Variants in UQCC1 observed in about 807,000 individuals in gnomAD.
UQCC1 encodes the protein bFGF-repressed Zic-binding protein.
Under a neutral mutation model 48.0 loss-of-function variants are expected in UQCC1, and 38 were observed. The observed-to-expected ratio is 0.79, with a 90% CI of 0.61 to 1.04. The LOEUF (loss-of-function observed/expected upper bound fraction) is 1.04, where lower values mean the gene tolerates loss of function less well. UQCC1 is among the 50% of genes least tolerant of loss of function. The pLI is 0.00. For synonymous variants in UQCC1, 111 were observed against 129.2 expected, an observed-to-expected ratio of 0.86 and a Z score of 0.95; for missense variants, 368 against 381.8, an observed-to-expected ratio of 0.96 and a Z score of 0.30.
In UQCC1 at chr20:35,304,042, C is replaced by T. The variant is rs267605904; in HGVS notation, c.793G>A (p.Glu265Lys). Residue 265 changes from glutamate (E) to lysine (K), a missense_variant, in exon 10 of 10, where the codon GAG becomes AAG. Physicochemically the swap from Glu to Lys is moderately conservative, Grantham distance 56. Coordinates refer to ENST00000374385, the MANE Select transcript of UQCC1 (RefSeq NM_018244.5). ...QIQYLDSMNGEDLLLTGEVSW... is the reference protein window; with the variant it reads ...QIQYLDSMNGKDLLLTGEVSW... ...ACCTCCCCTGTCAGAAGCAGATCCT[C>T]CCCGTTCATGGAGTCCAGGTACTGT... is the stretch of plus-strand genomic sequence containing the variant. 1 of 1,614,134 alleles carries T rather than the reference C, an allele frequency of 6.2e-7. No homozygotes were observed. The highest frequency in any genetic ancestry group is 2.2e-5 in the East Asian group (1 of 44,876).
At chr20:35,403,571 G>C (rs185870729) in intron 1 of UQCC1, among the ~76,000 whole-genome samples, 4 of 152,108 alleles carry the variant, frequency 2.6e-5, no homozygotes, top group African/African-American at 9.7e-5. Context: ...GTATATGCCC[G>C]AAGGATTATA....
intron 7 of UQCC1, among the ~76,000 whole-genome samples, chr20:35,328,172 G>A (rs2061218045): frequency 6.6e-6 from 1 of 152,124 alleles, no homozygotes; most frequent in South Asian, 2.1e-4. Flanking sequence ...AATGCTGTAT[G>A]TTAAAGAGAT....
chr20:35,340,688 C>T (rs2061367489), intron 7 of UQCC1, among the ~76,000 whole-genome samples: 1 of 152,166 alleles, frequency 6.6e-6, no homozygotes, highest in Non-Finnish European at 1.5e-5. Context: ...CCTACATTGT[C>T]CAGGCTAACT....
In UQCC1 at chr20:35,302,638, A is replaced by G. The variant is rs961604768; in HGVS notation, c.*1297T>C. 1 of 152,352 alleles carries G rather than the reference A, an allele frequency of 6.6e-6. No homozygotes were observed. The highest frequency in any genetic ancestry group is 1.5e-5 in the Non-Finnish European group (1 of 68,042). The allele number at this position is 152,352 out of a possible 1,614,324, so 9.4% of individuals were successfully genotyped here. On this transcript the variant is annotated 3_prime_UTR_variant, in exon 10 of 10. Coordinates refer to ENST00000374385, the MANE Select transcript of UQCC1 (RefSeq NM_018244.5). ...GTATACTTCACTCCATTAAAAATAAATTAATCAGCAAATTCCTGCCTGGCT... is the reference window on the plus strand; with the variant it reads ...GTATACTTCACTCCATTAAAAATAAGTTAATCAGCAAATTCCTGCCTGGCT...
intron 2 of UQCC1, chr20:35,384,725 T>C: frequency 2.4e-6 from 1 of 425,156 alleles, no homozygotes; most frequent in South Asian, 1.7e-5. Flanking sequence ...TCCCAGCACT[T>C]TGGGAGGCCG....
chr20:35,398,054 A>C (rs1341033853), intron 1 of UQCC1, among the ~76,000 whole-genome samples: 1 of 152,208 alleles, frequency 6.6e-6, no homozygotes, highest in African/African-American at 2.4e-5. Context: ...CATGGAGAGG[A>C]TAAGCAACCT....
intron 1 of UQCC1, among the ~76,000 whole-genome samples, chr20:35,398,753 T>TGGGGGGGGGG (rs3055777): frequency 9.4e-6 from 1 of 106,424 alleles, no homozygotes. Context: ...GGGCCAAAGG[T>TGGGGGGGGGG]GGGGGGGGGG....
chr20:35,308,694 T>C (rs1321904602), intron 8 of UQCC1, among the ~76,000 whole-genome samples: 1 of 152,220 alleles, frequency 6.6e-6, no homozygotes, highest in East Asian at 1.9e-4. Context: ...AGAATAGATA[T>C]TATATTCCCA....
chr20:35,321,959 A>G (rs1451963511), intron 7 of UQCC1, among the ~76,000 whole-genome samples: 8 of 152,250 alleles, frequency 5.3e-5, no homozygotes, highest in Middle Eastern at 3.2e-3. Context: ...TTGAGAAAAC[A>G]TGAGAACACA....
intron 2 of UQCC1, among the ~76,000 whole-genome samples, chr20:35,393,502 AAAC>A (rs2062036598): frequency 3.5e-5 from 3 of 86,002 alleles, no homozygotes; most frequent in Admixed American, 1.4e-4. Flanking sequence ...AAACACACAC[AAAC>A]ACACACACAC....
intron 2 of UQCC1, among the ~76,000 whole-genome samples, chr20:35,388,149 TTTTTA>T (rs1343777491): frequency 6.6e-6 from 1 of 151,736 alleles, no homozygotes; most frequent in African/African-American, 2.4e-5. Context: ...CCAGCTAATT[TTTTTA>T]TTTTTTTAGT....
intron 6 of UQCC1, among the ~76,000 whole-genome samples, chr20:35,363,028 T>TAA (rs60988214): frequency 2.2e-4 from 18 of 80,672 alleles, no homozygotes; most frequent in African/African-American, 4.8e-4. Flanking sequence ...TCCTTAAAAC[T>TAA]AAAAAAAAAA....
chr20:35,391,357 C>T (rs2062012464), intron 2 of UQCC1, among the ~76,000 whole-genome samples: 1 of 152,180 alleles, frequency 6.6e-6, no homozygotes, highest in Non-Finnish European at 1.5e-5. Context: ...CACAGTGGCT[C>T]ATACCTATAT....
chr20:35,367,209 C>T (rs1600956276), intron 5 of UQCC1, among the ~76,000 whole-genome samples: 1 of 151,978 alleles, frequency 6.6e-6, no homozygotes, highest in Non-Finnish European at 1.5e-5. Context: ...ATCACTTCTC[C>T]CCTTTGAGTC....
At chr20:35,383,104 C>G (rs1385800308) in intron 3 of UQCC1, among the ~76,000 whole-genome samples, 1 of 152,104 alleles carries the variant, frequency 6.6e-6, no homozygotes, top group African/African-American at 2.4e-5. Flanking sequence ...TGAAAGCAGT[C>G]AAAAGTCATT....
chr20:35,306,542 T>G, intron 9 of UQCC1, 124 bp downstream of exon 9: 1 of 729,300 alleles, frequency 1.4e-6, no homozygotes, highest in East Asian at 2.6e-5. Flanking sequence ...CTAGTGCTGA[T>G]GTGATCTGGT....
At chr20:35,325,983 A>T (rs984604089) in intron 7 of UQCC1, among the ~76,000 whole-genome samples, 4 of 152,230 alleles carry the variant, frequency 2.6e-5, no homozygotes, top group Non-Finnish European at 5.9e-5. Flanking sequence ...CGCCAGCCAC[A>T]TGAAAGAAAG....
At chr20:35,346,984 T>G in intron 7 of UQCC1, 180 bp downstream of exon 7, 1 of 1,536,526 alleles carries the variant, frequency 6.5e-7, no homozygotes, top group Non-Finnish European at 8.8e-7. Flanking sequence ...ACACATAAAG[T>G]ATCTGTGGAG....
intron 2 of UQCC1, among the ~76,000 whole-genome samples, chr20:35,389,594 G>T (rs1396638132): frequency 6.6e-6 from 1 of 151,816 alleles, no homozygotes; most frequent in East Asian, 1.9e-4. Context: ...AAAAGAAAAT[G>T]AATTATAACT....
Sources: allele counts gnomAD v4.1 joint callset (sites outside exome capture counted in the v4.1 genomes callset), GRCh38; gene constraint gnomAD v4.1.1; transcripts MANE v1.5; gene names NCBI Gene and HGNC (gene_info 2026-07-23, HGNC 2026-07-21).